The following GABRA2 variants were observed in gnomAD, a reference collection of about 807,000 sequenced individuals.
GABRA2 encodes the protein gamma-aminobutyric acid receptor subunit alpha-2.
GABRA2 carries 16 observed loss-of-function variants against 48.7 expected under a neutral mutation model. The observed-to-expected ratio is 0.33, with a 90% CI of 0.22 to 0.50. The LOEUF (loss-of-function observed/expected upper bound fraction) is 0.50, where lower values mean the gene tolerates loss of function less well. Ranked by LOEUF, GABRA2 falls within the 20% of genes least tolerant of loss-of-function variation. The pLI, the probability that GABRA2 is intolerant of heterozygous loss-of-function variation, is 0.98. For missense variants in GABRA2, 275 were observed against 535.6 expected (o/e 0.51, Z 4.80); for synonymous variants, 185 against 184.5 (o/e 1.00, Z -0.02).
intron 3 of GABRA2, among the ~76,000 whole-genome samples, chr4:46,359,535 T>G (rs187774012): frequency 6.6e-6 from 1 of 152,160 alleles, no homozygotes; most frequent in Non-Finnish European, 1.5e-5. Context: ...CAAGTAATAA[T>G]GGAAATATCT....
At chr4:46,334,110 A>C (rs1439242714) in intron 3 of GABRA2, among the ~76,000 whole-genome samples, 1 of 152,128 alleles carries the variant, frequency 6.6e-6, no homozygotes. Context: ...TTATAAAATT[A>C]TTTCAGATGC....
In GABRA2 at chr4:46,310,265, A is replaced by G. The variant is rs1183393700; in HGVS notation, c.477-10T>C. On this transcript the variant is annotated splice_polypyrimidine_tract_variant and intron_variant, in intron 5 of 9. Transcript: ENST00000381620. ...AGCTTGAACTGTAAGCCTAAAAGTC[A>G]AAATTTCACTATTTGTTTAAGTATA... is the stretch of plus-strand genomic sequence containing the variant. The G allele has an allele frequency of 6.2e-7, 1 of 1,608,874 alleles. No individual in the cohort carries two copies.
chr4:46,333,015 A>G (rs1201697185), intron 3 of GABRA2, among the ~76,000 whole-genome samples: 1 of 152,152 alleles, frequency 6.6e-6, no homozygotes, highest in East Asian at 1.9e-4. Flanking sequence ...TGCTACCAGT[A>G]ATAAAAATAA....
chr4:46,253,963 G>A (rs1352275776), intron 9 of GABRA2, among the ~76,000 whole-genome samples: 1 of 151,478 alleles, frequency 6.6e-6, no homozygotes, highest in East Asian at 1.9e-4. Context: ...ACCATGTTTA[G>A]GGAGAGAAAA....
chr4:46,373,483 T>G (rs756672798), intron 3 of GABRA2, among the ~76,000 whole-genome samples: 62 of 152,208 alleles, frequency 4.1e-4, no homozygotes, highest in Non-Finnish European at 7.5e-4. Context: ...ACTGGAACAG[T>G]AATAAGTCAA....
intron 8 of GABRA2, among the ~76,000 whole-genome samples, chr4:46,280,012 A>G (rs1256528930): frequency 6.6e-6 from 1 of 151,996 alleles, no homozygotes; most frequent in Non-Finnish European, 1.5e-5. Flanking sequence ...TTAGGTACCT[A>G]CTACATGCCA....
chr4:46,334,090 G>T (rs1006012522), intron 3 of GABRA2, among the ~76,000 whole-genome samples: 2 of 151,948 alleles, frequency 1.3e-5, no homozygotes, highest in African/African-American at 2.4e-5. Flanking sequence ...AAAAGCATTA[G>T]AAAATAAATT....
At chr4:46,348,253 G>T (rs1448688091) in intron 3 of GABRA2, among the ~76,000 whole-genome samples, 1 of 151,676 alleles carries the variant, frequency 6.6e-6, no homozygotes, top group Non-Finnish European at 1.5e-5. Flanking sequence ...TAGAATGGCA[G>T]TCATTAAAAA....
intron 6 of GABRA2, among the ~76,000 whole-genome samples, chr4:46,309,318 G>C (rs552787042): frequency 6.7e-4 from 102 of 152,182 alleles, no homozygotes; most frequent in Non-Finnish European, 1.4e-3. Flanking sequence ...GCAATACATA[G>C]TTTTAATCAG....
intron 4 of GABRA2, among the ~76,000 whole-genome samples, chr4:46,323,388 T>C (rs546457003): frequency 2.1e-4 from 30 of 141,760 alleles, no homozygotes; most frequent in African/African-American, 8.0e-4. Flanking sequence ...AATCCTCATT[T>C]GTTCTTCTCA....
At chr4:46,360,490 A>G (rs1560578047) in intron 3 of GABRA2, among the ~76,000 whole-genome samples, 1 of 152,214 alleles carries the variant, frequency 6.6e-6, no homozygotes, top group Non-Finnish European at 1.5e-5. Context: ...GCCTGTCACC[A>G]TGATTGTGAG....
chr4:46,345,804 C>A (rs887595956), intron 3 of GABRA2, among the ~76,000 whole-genome samples: 2 of 151,860 alleles, frequency 1.3e-5, no homozygotes, highest in Non-Finnish European at 2.9e-5. Context: ...GGAAAAATGA[C>A]AATAGTTACA....
intron 9 of GABRA2, among the ~76,000 whole-genome samples, chr4:46,258,655 T>C (rs538479381): frequency 4.6e-5 from 7 of 151,738 alleles, no homozygotes; most frequent in African/African-American, 1.2e-4. Flanking sequence ...AGAAAATGAA[T>C]AGTGGCAGCT....
At chr4:46,375,321 C>G (rs146214412) in intron 3 of GABRA2, among the ~76,000 whole-genome samples, 1,910 of 152,048 alleles carry the variant, frequency 0.013, 23 homozygotes, top group Middle Eastern at 0.027. Context: ...AAGTTAAAAA[C>G]AAAAATTTCC....
chr4:46,315,823 A>G (rs1728450013), intron 4 of GABRA2, among the ~76,000 whole-genome samples: 1 of 151,768 alleles, frequency 6.6e-6, no homozygotes, highest in South Asian at 2.1e-4. Flanking sequence ...ATCTTATTGA[A>G]GCCCTTCCTC....
intron 3 of GABRA2, among the ~76,000 whole-genome samples, chr4:46,348,082 AAAAC>A (rs1293336962): frequency 1.3e-5 from 2 of 152,116 alleles, no homozygotes; most frequent in Non-Finnish European, 2.9e-5. Flanking sequence ...TTACAAGAAA[AAAAC>A]AAACAACCCC....
At chr4:46,291,585 G>A (rs1723628882) in intron 8 of GABRA2, among the ~76,000 whole-genome samples, 2 of 152,008 alleles carry the variant, frequency 1.3e-5, no homozygotes, top group African/African-American at 2.4e-5. Flanking sequence ...AACGTGAAAA[G>A]GCTAGCCTGG....
At chr4:46,375,638 T>C (rs538222667) in intron 3 of GABRA2, among the ~76,000 whole-genome samples, 3 of 152,268 alleles carry the variant, frequency 2.0e-5, no homozygotes, top group African/African-American at 7.2e-5. Context: ...TGCCTCACAG[T>C]AAATATACCA....
intron 3 of GABRA2, among the ~76,000 whole-genome samples, chr4:46,380,586 C>T (rs1053023633): frequency 2.6e-5 from 4 of 152,142 alleles, no homozygotes; most frequent in African/African-American, 9.7e-5. Flanking sequence ...CCTCAACAAA[C>T]CAATAAGCCT....
Sources: allele counts gnomAD v4.1 joint callset (sites outside exome capture counted in the v4.1 genomes callset), GRCh38; gene constraint gnomAD v4.1.1; transcripts MANE v1.5; gene names NCBI Gene and HGNC (gene_info 2026-07-23, HGNC 2026-07-21).